BIRC6: variants seen among roughly 807,000 people sequenced by gnomAD.
The protein encoded by BIRC6 is dual E2 ubiquitin-conjugating enzyme/E3 ubiquitin-protein ligase BIRC6.
In BIRC6, 98 loss-of-function variants were observed where a neutral mutation model predicts 503.3. That is an observed-to-expected ratio of 0.19 (90% CI 0.17 to 0.23). The LOEUF (loss-of-function observed/expected upper bound fraction) is 0.23, where lower values mean the gene tolerates loss of function less well. BIRC6 is among the 10% of genes least tolerant of loss of function. The pLI is 1.00. For missense variants in BIRC6, 5,360 were observed against 5,806.0 expected (o/e 0.92, Z 2.50); for synonymous variants, 2,240 against 2,078.7 (o/e 1.08, Z -2.11).
In BIRC6 at chr2:32,485,859, G is replaced by A; in HGVS notation, c.7813+100G>A. ...AGGACAGATTTTTAAATTCCATGAT[G>A]TGAGTCTGAGGGGACTTAGTATGTA... On this transcript the variant is annotated intron_variant, in intron 40 of 73. Coordinates refer to ENST00000421745, the MANE Select transcript of BIRC6 (RefSeq NM_016252.4). 3 of 777,508 alleles carry A rather than the reference G, an allele frequency of 3.9e-6. No homozygotes were observed. The South Asian group carries it at 5.5e-5, about 14-fold the overall frequency. 48.2% of individuals were successfully genotyped at this position (777,508 alleles called of 1,614,324 possible). A position where few individuals can be genotyped will look rare whatever the true frequency, so the allele number is the denominator to read the frequency against.
Position 32,415,573 on chromosome 2 carries a change from A to G in BIRC6, c.2282A>G (p.Asn761Ser). 1.2e-6 allele frequency: 2 copies of G among 1,614,010 alleles called. No homozygotes were observed. Among genetic ancestry groups the G allele is most frequent in the South Asian group, 1.1e-5 (1 of 91,082 alleles). The change falls in exon 10 of 74, where the codon AAT becomes AGT. Residue 761 changes from asparagine (N) to serine (S), a missense_variant. Transcript: ENST00000421745. ...TCPVESLSAI[N>S]QVEALNNLNK... ...CCTGTTGAATCCTTGAGTGCAATAA[A>G]TCAAGTAGAGGCCTTGAATAATTTA...
intron 46 of BIRC6, among the ~76,000 whole-genome samples, chr2:32,501,247 G>A (rs1558904068): frequency 1.3e-5 from 2 of 152,156 alleles, no homozygotes; most frequent in Admixed American, 6.5e-5. Flanking sequence ...CACATCTTCT[G>A]TTTGATTAGA....
rs1558908728 is a variant in BIRC6 at position 32,502,907 on chromosome 2, A to G, written c.9304+16A>G. 1.9e-6 allele frequency: 3 copies of G among 1,578,244 alleles called. No individual in the cohort carries two copies. The East Asian group carries it at 6.7e-5, about 35-fold the overall frequency. ...CATGATATGGGTAAGATAATATTTC[A>G]ATAACTATCATTTAAGTGTAGTTAT... On this transcript the variant is annotated intron_variant, in intron 48 of 73. Transcript: ENST00000421745.
rs2045498828 is a variant in BIRC6, at chr2:32,442,086, A to C, written c.3966A>C (p.Leu1322Phe). The change falls in exon 18 of 74, where the codon TTA becomes TTC. Residue 1322 changes from leucine (L) to phenylalanine (F), a missense_variant. By Grantham distance (22) the Leu-to-Phe change is conservative. Transcript: ENST00000421745. ...GTAGAGTGCAACGATGTGCCATGTT[A>C]CAGTTTTCAGAATTTCATGAGAAGC... ...SKERVQRCAM[L>F]QFSEFHEKLL... 1.3e-6 allele frequency: 2 copies of C among 1,586,998 alleles called. No homozygotes were observed. Among genetic ancestry groups the C allele is most frequent in the Non-Finnish European group, 1.7e-6 (2 of 1,171,674 alleles).
At chr2:32,503,494 G>T (rs1184423196) in intron 49 of BIRC6, among the ~76,000 whole-genome samples, 2 of 152,164 alleles carry the variant, frequency 1.3e-5, no homozygotes, top group Non-Finnish European at 2.9e-5. Flanking sequence ...CGTGATCTCA[G>T]CTCACTGCAA....
At chr2:32,594,369 A>C (rs148761077) in intron 67 of BIRC6, 1 of 214,494 alleles carries the variant, frequency 4.7e-6, no homozygotes, top group Non-Finnish European at 9.2e-6. Context: ...AAAATAGTAC[A>C]TTAAGACTAT....
At chr2:32,500,158 G>C in intron 46 of BIRC6, 49 bp downstream of exon 46, 5 of 1,439,266 alleles carry the variant, frequency 3.5e-6, no homozygotes, top group Non-Finnish European at 3.7e-6. Flanking sequence ...TACTATAACT[G>C]GTTTTTTTTT....
intron 23 of BIRC6, among the ~76,000 whole-genome samples, chr2:32,457,363 ATT>A (rs909927403): frequency 9.2e-5 from 14 of 152,012 alleles, no homozygotes; most frequent in Admixed American, 3.3e-4. Context: ...TATATGTACT[ATT>A]CTATTTCTCA....
chr2:32,595,543 A>G (rs988154270), intron 68 of BIRC6, among the ~76,000 whole-genome samples: 8 of 152,214 alleles, frequency 5.3e-5, no homozygotes, highest in Non-Finnish European at 1.2e-4. Context: ...GTAGTTATAC[A>G]TAGTTCAGTT....
intron 71 of BIRC6, 95 bp from the exon 72 acceptor site, chr2:32,607,360 C>A: frequency 2.5e-6 from 2 of 814,300 alleles, no homozygotes; most frequent in Non-Finnish European, 3.6e-6. Context: ...TGTGGAAACA[C>A]ATATTAAAGA....
At chr2:32,578,789 ACT>A in intron 66 of BIRC6, among the ~76,000 whole-genome samples, 1 of 151,332 alleles carries the variant, frequency 6.6e-6, no homozygotes, top group Non-Finnish European at 1.5e-5. Context: ...ACAGAGGGAA[ACT>A]CTGTCTCAAA....
At chr2:32,531,983 CT>C (rs1406349826) in intron 61 of BIRC6, among the ~76,000 whole-genome samples, 1 of 152,130 alleles carries the variant, frequency 6.6e-6, no homozygotes, top group Non-Finnish European at 1.5e-5. Flanking sequence ...AAAACATGAC[CT>C]ATTCCCGTGT....
chr2:32,578,977 CTA>C (rs1372376035), intron 66 of BIRC6, among the ~76,000 whole-genome samples: 29 of 28,374 alleles, frequency 1.0e-3, no homozygotes, highest in African/African-American at 5.8e-3. Context: ...TTTTATATAC[CTA>C]ATATATATAT....
rs200787782 is a variant in BIRC6, at chr2:32,603,232, G to A, written c.14070+149G>A. 12 of 539,162 alleles carry A rather than the reference G, an allele frequency of 2.2e-5. No individual in the cohort carries two copies. In the East Asian group the frequency reaches 3.9e-4, roughly 17 times the overall value. 33.4% of individuals were successfully genotyped at this position (539,162 alleles called of 1,614,324 possible). A position where few individuals can be genotyped will look rare whatever the true frequency, so the allele number is the denominator to read the frequency against. On this transcript the variant is annotated intron_variant, in intron 71 of 73. Coordinates refer to ENST00000421745, the MANE Select transcript of BIRC6 (RefSeq NM_016252.4). ...ATATTAAATAGCTTATAGGTGAGAA[G>A]TTAGCATAATGGAGTCTCATCTTAT...
chr2:32,583,312 A>AT (rs1038806434), intron 66 of BIRC6, among the ~76,000 whole-genome samples: 10 of 152,116 alleles, frequency 6.6e-5, no homozygotes, highest in African/African-American at 2.4e-4. Context: ...ATGTTTTAAT[A>AT]TTTTTTGGTT....
At chr2:32,543,570 A>C in intron 62 of BIRC6, 29 bp downstream of exon 62, 1 of 1,593,544 alleles carries the variant, frequency 6.3e-7, no homozygotes, top group Non-Finnish European at 8.6e-7. Context: ...ATTTATCAAC[A>C]CATATGTGAA....
At chr2:32,507,716 A>T (rs1156284066) in intron 50 of BIRC6, among the ~76,000 whole-genome samples, 1 of 152,210 alleles carries the variant, frequency 6.6e-6, no homozygotes, top group African/African-American at 2.4e-5. Flanking sequence ...TGCATCACAC[A>T]TCTTTGGTTC....
chr2:32,433,391 C>A (rs1307736500), intron 12 of BIRC6, among the ~76,000 whole-genome samples: 1 of 152,140 alleles, frequency 6.6e-6, no homozygotes, highest in Non-Finnish European at 1.5e-5. Flanking sequence ...AAATTGTTCA[C>A]ACTTTGAGGA....
At chr2:32,509,514 A>G (rs1283403751) in intron 51 of BIRC6, among the ~76,000 whole-genome samples, 1 of 152,074 alleles carries the variant, frequency 6.6e-6, no homozygotes, top group Admixed American at 6.5e-5. Context: ...CGGCCTCCCA[A>G]AGTGCTGAGA....
Sources: allele counts gnomAD v4.1 joint callset (sites outside exome capture counted in the v4.1 genomes callset), GRCh38; gene constraint gnomAD v4.1.1; transcripts MANE v1.5; gene names NCBI Gene and HGNC (gene_info 2026-07-23, HGNC 2026-07-21).